Variants in SUZ12 observed in about 807,000 individuals in gnomAD.
SUZ12 encodes the protein polycomb protein SUZ12.
Under a neutral mutation model 87.3 loss-of-function variants are expected in SUZ12, and 17 were observed. The ratio of observed to expected loss-of-function variants is 0.19; its 90% CI spans 0.13 to 0.29. The LOEUF is 0.29. Among genes scored for constraint, SUZ12 ranks in the 10% least tolerant of loss-of-function variants. SUZ12 has a pLI of 1.00. For missense variants in SUZ12, 526 were observed against 912.2 expected (o/e 0.58, Z 5.45); for synonymous variants, 253 against 312.4 (o/e 0.81, Z 2.01).
chr17:31,986,390 A>G (rs1205036507), intron 9 of SUZ12, among the ~76,000 whole-genome samples: 1 of 152,114 alleles, frequency 6.6e-6, no homozygotes, highest in Non-Finnish European at 1.5e-5. Flanking sequence ...TCTAATAGAT[A>G]ATTGGGTTAT....
chr17:31,952,623 C>T (rs140764782), intron 4 of SUZ12, among the ~76,000 whole-genome samples: 44 of 152,190 alleles, frequency 2.9e-4, no homozygotes, highest in African/African-American at 9.4e-4. Context: ...AGTGCAGTAG[C>T]GCGATCTCGG....
At chr17:31,950,406 C>T (rs563718026) in intron 4 of SUZ12, among the ~76,000 whole-genome samples, 2 of 152,192 alleles carry the variant, frequency 1.3e-5, no homozygotes, top group South Asian at 2.1e-4. Context: ...TAACACAGGC[C>T]GGGCATAGTG....
chr17:31,976,378 A>T (rs564724940), intron 7 of SUZ12, 143 bp from the exon 8 acceptor site: 1 of 597,088 alleles, frequency 1.7e-6, no homozygotes, highest in Non-Finnish European at 2.8e-6. Flanking sequence ...AATTGGAAAC[A>T]TGTGGTCTGT....
chr17:31,980,466 T>TTTTTTA (rs1909037343), intron 8 of SUZ12, among the ~76,000 whole-genome samples: 1 of 111,356 alleles, frequency 9.0e-6, no homozygotes, highest in Non-Finnish European at 1.8e-5. Context: ...TTTTTTTTTT[T>TTTTTTA]GAGACGGAGT....
At chr17:31,969,394 C>T (rs1029906031) in intron 5 of SUZ12, among the ~76,000 whole-genome samples, 2 of 152,052 alleles carry the variant, frequency 1.3e-5, no homozygotes, top group African/African-American at 4.8e-5. Flanking sequence ...GGTGATTTGC[C>T]CACCTCGGCC....
intron 15 of SUZ12, 76 bp downstream of exon 15, chr17:31,996,953 T>G: frequency 1.1e-6 from 1 of 885,094 alleles, no homozygotes; most frequent in Non-Finnish European, 1.6e-6. Context: ...CTAGAAATCT[T>G]ACGTGTGTTA....
At chr17:31,990,657 G>A (rs1057140165) in intron 10 of SUZ12, among the ~76,000 whole-genome samples, 2 of 152,148 alleles carry the variant, frequency 1.3e-5, no homozygotes, top group Non-Finnish European at 1.5e-5. Context: ...GAGCCATCGC[G>A]CCCAGCCAGT....
intron 4 of SUZ12, among the ~76,000 whole-genome samples, chr17:31,949,676 C>CGTTTTTTTT (rs1906839689): frequency 8.1e-5 from 1 of 12,372 alleles, no homozygotes; most frequent in African/African-American, 3.5e-4. Context: ...CCCCCCCCCC[C>CGTTTTTTTT]TTTTTTTTTT....
chr17:31,942,062 C>T (rs539134114), intron 3 of SUZ12, among the ~76,000 whole-genome samples: 2 of 152,046 alleles, frequency 1.3e-5, no homozygotes, highest in African/African-American at 4.8e-5. Context: ...CTATGTTGGC[C>T]AAGCTGGTCT....
intron 5 of SUZ12, among the ~76,000 whole-genome samples, chr17:31,971,432 T>TC (rs1328624690): frequency 7.1e-6 from 1 of 141,052 alleles, no homozygotes; most frequent in African/African-American, 3.1e-5. Flanking sequence ...TTTTTTTTTT[T>TC]TTTTTTTTTT....
intron 4 of SUZ12, among the ~76,000 whole-genome samples, chr17:31,962,967 C>T (rs1907827895): frequency 6.6e-6 from 1 of 152,196 alleles, no homozygotes; most frequent in Non-Finnish European, 1.5e-5. Context: ...TCCTCTTTCA[C>T]TTATGTTTTG....
Position 31,937,073 on chromosome 17 carries a change from T to C in SUZ12, c.-174T>C, listed in dbSNP as rs1413955249. ...CGGGGCTCTGAGGAGACACTTTTTT[T>C]TTCCTCCCTCCTTCCCTCCTCTCCT... is the stretch of plus-strand genomic sequence containing the variant. On this transcript the variant is annotated 5_prime_UTR_variant, in exon 1 of 16. Coordinates refer to ENST00000322652, the MANE Select transcript of SUZ12 (RefSeq NM_015355.4). 33 of 531,854 alleles carry C rather than the reference T, an allele frequency of 6.2e-5. No homozygotes were observed. Among genetic ancestry groups the C allele is most frequent in the Admixed American group, 1.8e-4 (4 of 22,804 alleles). 32.9% of individuals were successfully genotyped at this position (531,854 alleles called of 1,614,324 possible).
intron 1 of SUZ12, 64 bp downstream of exon 1, chr17:31,937,584 T>A (rs1425790385): frequency 1.6e-5 from 25 of 1,521,136 alleles, no homozygotes; most frequent in Non-Finnish European, 2.0e-5. Flanking sequence ...GATGGGACAC[T>A]CTGCTGGGCC....
At chr17:31,940,935 G>A (rs1348831708) in intron 3 of SUZ12, among the ~76,000 whole-genome samples, 2 of 151,580 alleles carry the variant, frequency 1.3e-5, no homozygotes, top group Non-Finnish European at 2.9e-5. Flanking sequence ...GCTTGAGCCC[G>A]GGAGGTGGAG....
At chr17:31,992,449 G>T (rs868696129) in intron 10 of SUZ12, among the ~76,000 whole-genome samples, 1 of 151,928 alleles carries the variant, frequency 6.6e-6, no homozygotes, top group Non-Finnish European at 1.5e-5. Flanking sequence ...TTCCTCAGTC[G>T]CCCAGGCTGG....
chr17:31,998,961 T>C lies in SUZ12; in HGVS notation c.2178T>C (p.Ser726=), dbSNP rs376837318. The C allele has an allele frequency of 5.6e-6, 9 of 1,595,390 alleles. No individual in the cohort carries two copies. The highest frequency in any genetic ancestry group is 7.7e-6 in the Non-Finnish European group (9 of 1,174,114). Reference sequence around the variant, plus strand: ...AAGAGAAAGCTTTGGAAACAGATAGTGTCTCAGGGGTTTCAAAACAGAGCA... The same window carrying C: ...AAGAGAAAGCTTTGGAAACAGATAGCGTCTCAGGGGTTTCAAAACAGAGCA... ...NSKEKALETD[S]VSGVSKQSKK... Residue 726 remains serine (S), a synonymous_variant, in exon 16 of 16, where the codon AGT becomes AGC. Transcript: ENST00000322652.
intron 9 of SUZ12, among the ~76,000 whole-genome samples, chr17:31,988,018 C>T (rs979085007): frequency 2.6e-5 from 4 of 152,032 alleles, no homozygotes; most frequent in African/African-American, 9.7e-5. Flanking sequence ...GATTTCTGAC[C>T]TATTTGGAAA....
chr17:31,966,871 A>G (rs1908121950), intron 5 of SUZ12: 1 of 152,204 alleles, frequency 6.6e-6, no homozygotes, highest in Non-Finnish European at 1.5e-5. Flanking sequence ...GCTGGAAAGA[A>G]TTAGAGTTGT....
chr17:31,960,735 G>A (rs903951927), intron 4 of SUZ12, among the ~76,000 whole-genome samples: 4 of 151,784 alleles, frequency 2.6e-5, no homozygotes, highest in African/African-American at 9.7e-5. Flanking sequence ...GTGTCACCAC[G>A]CCTGGCTAAT....
Sources: allele counts gnomAD v4.1 joint callset (sites outside exome capture counted in the v4.1 genomes callset), GRCh38; gene constraint gnomAD v4.1.1; transcripts MANE v1.5; gene names NCBI Gene and HGNC (gene_info 2026-07-23, HGNC 2026-07-21).